Variants in SLC25A21 observed in about 807,000 individuals in gnomAD.
SLC25A21 encodes the protein solute carrier family 25 member 21, also known as mitochondrial 2-oxodicarboxylate carrier.
SLC25A21 carries 47 observed loss-of-function variants against 43.8 expected under a neutral mutation model. That is an observed-to-expected ratio of 1.07 (90% confidence interval 0.85 to 1.37). The LOEUF is 1.37. SLC25A21 is among the 40% of genes most tolerant of loss of function. The probability of loss-of-function intolerance (pLI) is 0.00; values close to 1 mark genes in which losing one functional copy is unlikely to be tolerated. For missense variants in SLC25A21, 352 were observed against 350.2 expected, an observed-to-expected ratio of 1.00 and a Z score of -0.04; for synonymous variants, 131 against 121.3, an observed-to-expected ratio of 1.08 and a Z score of -0.52.
rs547842426 is a variant in SLC25A21, at chr14:36,766,881, C to T, written c.204-32308G>A. 2.4e-3 allele frequency among the ~76,000 whole-genome samples: 362 copies of T among 152,246 alleles called. 1 individual carries two copies. The highest frequency in any genetic ancestry group is 8.2e-3 in the African/African-American group (342 of 41,552). On this transcript the variant is annotated intron_variant, in intron 3 of 9. Transcript: ENST00000331299. ...GGCATGAGGATTACATGAGATAATGCGCATAATGCATTCAGCACAATATGT... is the reference window on the plus strand; with the variant it reads ...GGCATGAGGATTACATGAGATAATGTGCATAATGCATTCAGCACAATATGT...
chr14:36,775,306 G>A (rs1314867017), intron 3 of SLC25A21, among the ~76,000 whole-genome samples: 3 of 152,180 alleles, frequency 2.0e-5, no homozygotes, highest in Non-Finnish European at 4.4e-5. Context: ...AGAATATTTA[G>A]ATAGATTCAC....
chr14:36,702,376 T>A (rs986251512), intron 7 of SLC25A21, among the ~76,000 whole-genome samples: 17 of 143,546 alleles, frequency 1.2e-4, no homozygotes, highest in African/African-American at 4.2e-4. Flanking sequence ...CGGTGGCTCA[T>A]CCCTGTAATC....
At chr14:37,073,930 C>CA (rs537458049) in intron 1 of SLC25A21, among the ~76,000 whole-genome samples, 32,920 of 144,622 alleles carry the variant, frequency 0.23, 8,369 homozygotes, top group African/African-American at 0.63. Context: ...CTTCTAGATC[C>CA]AAAAAAAAAA....
chr14:37,172,070 A>C, intron 1 of SLC25A21: 2 of 547,840 alleles, frequency 3.7e-6, no homozygotes, highest in East Asian at 6.1e-5. Flanking sequence ...GCGGACGCCG[A>C]GGCAACTTTA....
chr14:36,705,189 C>G (rs377235508), intron 7 of SLC25A21, among the ~76,000 whole-genome samples: 1 of 150,526 alleles, frequency 6.6e-6, no homozygotes, highest in Non-Finnish European at 1.5e-5. Context: ...TACTGGCGCC[C>G]GCCACCATGC....
chr14:37,041,968 G>A (rs959072135), intron 1 of SLC25A21, among the ~76,000 whole-genome samples: 1 of 152,152 alleles, frequency 6.6e-6, no homozygotes, highest in Admixed American at 6.5e-5. Context: ...AAGCTCCAAT[G>A]AATCAATCCT....
rs552058156 is a variant in SLC25A21, at chr14:36,682,280, G to A, written c.838+1548C>T. Among the ~76,000 whole-genome samples the A allele has an allele frequency of 1.5e-4, 23 of 150,628 alleles. 1 individual carries two copies. Among genetic ancestry groups the A allele is most frequent in the South Asian group, 6.3e-4 (3 of 4,778 alleles). ...CTTTCTTTCTAGGTTTCTTTGCTTTGAAGTCGCTGGGATGCACACATTTGG... is the reference window on the plus strand; with the variant it reads ...CTTTCTTTCTAGGTTTCTTTGCTTTAAAGTCGCTGGGATGCACACATTTGG... On this transcript the variant is annotated intron_variant, in intron 9 of 9. Transcript: ENST00000331299.
intron 3 of SLC25A21, among the ~76,000 whole-genome samples, chr14:36,735,903 C>T (rs1885015383): frequency 1.6e-5 from 2 of 124,498 alleles, no homozygotes; most frequent in African/African-American, 6.0e-5. Flanking sequence ...TCAAATTATT[C>T]TCTGATATGG....
intron 1 of SLC25A21, among the ~76,000 whole-genome samples, chr14:36,897,247 C>T (rs1035782133): frequency 6.6e-6 from 1 of 152,084 alleles, no homozygotes; most frequent in Non-Finnish European, 1.5e-5. Context: ...TCTTTTTATT[C>T]TTTTTTCTCT....
At chr14:36,749,926 T>C (rs915197593) in intron 3 of SLC25A21, among the ~76,000 whole-genome samples, 1 of 152,202 alleles carries the variant, frequency 6.6e-6, no homozygotes, top group Non-Finnish European at 1.5e-5. Context: ...GCTTTATGAT[T>C]TACTTGCTTA....
Position 36,981,182 on chromosome 14 carries a change from G to A in SLC25A21, c.71-106178C>T, listed in dbSNP as rs147802532. ...AGAATGGTGATCATTAAAAAGTCAG[G>A]AAACTACAGGTGCTGGAGAAGATGT... is the stretch of plus-strand genomic sequence containing the variant. On this transcript the variant is annotated intron_variant, in intron 1 of 9. Transcript: ENST00000331299. Among the ~76,000 whole-genome samples, 13 of 152,224 alleles carry A rather than the reference G, an allele frequency of 8.5e-5. No individual in the cohort carries two copies. In the East Asian group the frequency reaches 2.5e-3, roughly 30 times the overall value.
In SLC25A21 at chr14:37,104,504, T is replaced by C. The variant is rs145361120; in HGVS notation, c.70+67777A>G. Among the ~76,000 whole-genome samples, 59 of 152,346 alleles carry C rather than the reference T, an allele frequency of 3.9e-4. No individual in the cohort carries two copies. In the East Asian group the frequency reaches 0.011, roughly 28 times the overall value. ...ACTTATTAAAAATATACATTGTTTT[T>C]ACCAAAGCCATTCCTTTGGCATTAT... is the stretch of plus-strand genomic sequence containing the variant. On this transcript the variant is annotated intron_variant, in intron 1 of 9. Transcript: ENST00000331299.
intron 1 of SLC25A21, among the ~76,000 whole-genome samples, chr14:36,941,368 C>T (rs1892552851): frequency 6.6e-6 from 1 of 152,054 alleles, no homozygotes; most frequent in Non-Finnish European, 1.5e-5. Flanking sequence ...TTGACTTACA[C>T]ATTGACTTTT....
At chr14:36,841,735 A>G (rs377328820) in intron 2 of SLC25A21, among the ~76,000 whole-genome samples, 1 of 152,084 alleles carries the variant, frequency 6.6e-6, no homozygotes, top group Non-Finnish European at 1.5e-5. Flanking sequence ...CTAGCCCATC[A>G]AGGCCAAACA....
chr14:36,983,970 T>C (rs1289565809), intron 1 of SLC25A21, among the ~76,000 whole-genome samples: 1 of 152,046 alleles, frequency 6.6e-6, no homozygotes, highest in Non-Finnish European at 1.5e-5. Flanking sequence ...ACGGAAATAA[T>C]AGACACTGGG....
rs7494671 is a variant in SLC25A21 at position 36,887,169 on chromosome 14, T to A, written c.71-12165A>T. 1.7e-3 allele frequency among the ~76,000 whole-genome samples: 262 copies of A among 151,710 alleles called. 1 individual carries two copies. Among genetic ancestry groups the A allele is most frequent in the African/African-American group, 6.0e-3 (250 of 41,386 alleles). On this transcript the variant is annotated intron_variant, in intron 1 of 9. Transcript: ENST00000331299. ...TTCATATATATTACATATAAATATG[T>A]ATGAATATGTGAGATATGTAATGCA... is the stretch of plus-strand genomic sequence containing the variant.
At chr14:36,804,446 C>T (rs74044994) in intron 3 of SLC25A21, among the ~76,000 whole-genome samples, 1,886 of 152,284 alleles carry the variant, frequency 0.012, 31 homozygotes, top group African/African-American at 0.044. Context: ...CCCTTAACAA[C>T]CCTTACTTGT....
rs12050169 is a variant in SLC25A21, at chr14:37,095,491, G to A, written c.70+76790C>T. 0.018 allele frequency among the ~76,000 whole-genome samples: 2,762 copies of A among 152,166 alleles called. 199 individuals carry two copies. In the East Asian group the frequency reaches 0.26, roughly 14 times the overall value. On this transcript the variant is annotated intron_variant, in intron 1 of 9. Coordinates refer to ENST00000331299, the MANE Select transcript of SLC25A21 (RefSeq NM_030631.4). Reference sequence around the variant, plus strand: ...CTGGATTGTGCCACTGAACTCTAACGTGGGCGACAGAGCAAGACTCCATCT... The same window carrying A: ...CTGGATTGTGCCACTGAACTCTAACATGGGCGACAGAGCAAGACTCCATCT...
At chr14:37,055,223 A>G (rs1186072964) in intron 1 of SLC25A21, among the ~76,000 whole-genome samples, 1 of 152,226 alleles carries the variant, frequency 6.6e-6, no homozygotes, top group East Asian at 1.9e-4. Context: ...AAACCCAAGG[A>G]ATTTCATCTG....
Sources: gnomAD v4.1 joint callset for allele counts (sites outside exome capture counted in the v4.1 genomes callset) on GRCh38, gnomAD v4.1.1 for gene constraint, MANE v1.5 for transcripts, NCBI Gene and HGNC (gene_info 2026-07-23, HGNC 2026-07-21) for gene names.